Variants in PPFIBP2 observed in about 807,000 individuals in gnomAD.
PPFIBP2 encodes PPFIB scaffold protein 2.
A neutral mutation model predicts 118.3 loss-of-function variants in PPFIBP2; 118 were observed. The ratio of observed to expected loss-of-function variants is 1.00; its 90% CI spans 0.86 to 1.16. The LOEUF (loss-of-function observed/expected upper bound fraction) is 1.16, where lower values mean the gene tolerates loss of function less well. Among genes scored for constraint, PPFIBP2 ranks in the 50% most tolerant of loss-of-function variants. PPFIBP2 has a pLI of 0.00. For missense variants in PPFIBP2, 1,195 were observed against 1,073.1 expected (o/e 1.11, Z -1.59); for synonymous variants, 414 against 397.4 (o/e 1.04, Z -0.50).
At chr11:7,571,797 AG>A (rs1213812876) in intron 3 of PPFIBP2, 2 of 152,222 alleles carry the variant, frequency 1.3e-5, no homozygotes, top group Non-Finnish European at 2.9e-5. Context: ...GGCCGGGCTC[AG>A]GTGGCATCAG....
chr11:7,599,964 G>T (rs912194264), intron 5 of PPFIBP2, among the ~76,000 whole-genome samples: 12 of 151,814 alleles, frequency 7.9e-5, no homozygotes, highest in Non-Finnish European at 1.8e-4. Context: ...TTTTTAGCCC[G>T]TTTATTCTAA....
chr11:7,663,881 G>A, the PPFIBP2 span, among the ~76,000 whole-genome samples: 17 of 152,302 alleles, frequency 1.1e-4, no homozygotes, highest in East Asian at 2.3e-3. Flanking sequence ...TCGGAAAAGC[G>A]CAGTATTCTG....
intron 17 of PPFIBP2, among the ~76,000 whole-genome samples, chr11:7,647,707 G>A (rs1458929654): frequency 6.6e-6 from 1 of 152,136 alleles, no homozygotes; most frequent in Non-Finnish European, 1.5e-5. Context: ...GAGCTTTCTT[G>A]GGTTTTCTAA....
downstream of PPFIBP2, among the ~76,000 whole-genome samples, chr11:7,657,611 G>T (rs1041812303): frequency 1.3e-5 from 2 of 152,160 alleles, no homozygotes; most frequent in African/African-American, 4.8e-5. Context: ...TCCCAAACAT[G>T]TCTGTTTCCT....
chr11:7,590,005 A>C (rs912697766), intron 3 of PPFIBP2, among the ~76,000 whole-genome samples: 1 of 152,242 alleles, frequency 6.6e-6, no homozygotes, highest in Non-Finnish European at 1.5e-5. Flanking sequence ...TTGATGATGT[A>C]GTCATTTTAT....
At position 7,639,714 on chromosome 11, in the gene PPFIBP2, T is replaced by A. The variant is rs767186965; in HGVS notation, c.1237-18T>A. On this transcript the variant is annotated intron_variant, in intron 14 of 23. Coordinates refer to ENST00000299492, the MANE Select transcript of PPFIBP2 (RefSeq NM_003621.5). ...ACAGTTAAGTCGGTATCTCTCTCTT[T>A]CTCTCACCTTCCAATAGGACAGCCC... 2 of 1,613,850 alleles carry A rather than the reference T, an allele frequency of 1.2e-6. No homozygotes were observed. Among genetic ancestry groups the A allele is most frequent in the Non-Finnish European group, 1.7e-6 (2 of 1,179,854 alleles).
chr11:7,655,373 ATC>A (rs1031492247), downstream of PPFIBP2: 15 of 1,222,452 alleles, frequency 1.2e-5, no homozygotes, highest in Middle Eastern at 2.2e-4. Context: ...CTTGCATGCC[ATC>A]TCTCTGAATC....
chr11:7,567,525 C>A (rs7117188), intron 3 of PPFIBP2, among the ~76,000 whole-genome samples: 83,155 of 151,910 alleles, frequency 0.55, 24,640 homozygotes, highest in African/African-American at 0.79. Context: ...CTAACCTATG[C>A]ATGGCGAAGC....
chr11:7,574,774 C>G (rs1429447556), intron 3 of PPFIBP2, among the ~76,000 whole-genome samples: 1 of 152,160 alleles, frequency 6.6e-6, no homozygotes, highest in Non-Finnish European at 1.5e-5. Flanking sequence ...CCATTTCACT[C>G]AGCCCTTCCC....
At position 7,582,713 on chromosome 11, in the gene PPFIBP2, T is replaced by C. The variant is rs866661123; in HGVS notation, c.280-10419T>C. Among the ~76,000 whole-genome samples the C allele has an allele frequency of 1.7e-4, 25 of 145,336 alleles. 1 individual carries two copies. In the Middle Eastern group the frequency reaches 0.011, roughly 62 times the overall value. ...TCAACTGATGTCACTACCAATGTCA[T>C]AGGAAAAAAAAAAAAAAACCAGCCA... is the stretch of plus-strand genomic sequence containing the variant. On this transcript the variant is annotated intron_variant, in intron 3 of 23. Coordinates refer to ENST00000299492, the MANE Select transcript of PPFIBP2 (RefSeq NM_003621.5).
intron 1 of PPFIBP2, among the ~76,000 whole-genome samples, chr11:7,531,374 G>T (rs1850667585): frequency 6.6e-6 from 1 of 152,174 alleles, no homozygotes; most frequent in South Asian, 2.1e-4. Flanking sequence ...TTGACATCTG[G>T]TCAGGCTGCA....
downstream of PPFIBP2, among the ~76,000 whole-genome samples, chr11:7,660,727 A>G (rs1260096507): frequency 6.6e-6 from 1 of 150,962 alleles, no homozygotes; most frequent in East Asian, 1.9e-4. Context: ...GAATGGTACC[A>G]GTTCCTCCTT....
At chr11:7,620,334 G>A (rs1849196413) in intron 6 of PPFIBP2, among the ~76,000 whole-genome samples, 1 of 152,010 alleles carries the variant, frequency 6.6e-6, no homozygotes, top group Non-Finnish European at 1.5e-5. Context: ...CTCCCTTTCT[G>A]TCTCCTATCT....
At chr11:7,603,831 A>G (rs1846977281) in intron 5 of PPFIBP2, among the ~76,000 whole-genome samples, 1 of 152,140 alleles carries the variant, frequency 6.6e-6, no homozygotes, top group South Asian at 2.1e-4. Flanking sequence ...TTCATGGTCC[A>G]TCACAGTAAG....
intron 1 of PPFIBP2, chr11:7,539,434 C>A (rs1320444291): frequency 6.6e-6 from 1 of 152,456 alleles, no homozygotes; most frequent in African/African-American, 2.4e-5. Flanking sequence ...GGGGTCGTGA[C>A]CTCTGGATGT....
chr11:7,539,520 G>C (rs1851555917), intron 1 of PPFIBP2: 1 of 152,552 alleles, frequency 6.6e-6, no homozygotes, highest in African/African-American at 2.4e-5. Flanking sequence ...GCTACGCTGA[G>C]AGCCTTGCCA....
At chr11:7,644,737 G>A (rs888754970) in intron 17 of PPFIBP2, among the ~76,000 whole-genome samples, 6 of 151,920 alleles carry the variant, frequency 3.9e-5, no homozygotes, top group Admixed American at 1.3e-4. Context: ...GCCTAAAAAA[G>A]GTATTTTAGG....
intron 5 of PPFIBP2, among the ~76,000 whole-genome samples, chr11:7,603,981 C>A (rs1170385013): frequency 6.6e-6 from 1 of 152,136 alleles, no homozygotes; most frequent in African/African-American, 2.4e-5. Context: ...TCAACTCCCT[C>A]CCCATATACT....
Position 7,649,682 on chromosome 11 carries a change from G to A in PPFIBP2, c.2121+28G>A, listed in dbSNP as rs773977896. ...GAGACCACAAATAGTATCTCTCCAG[G>A]TAGCCCTGAGCCAGGACCCCTGAAA... On this transcript the variant is annotated intron_variant, in intron 21 of 23. Coordinates refer to ENST00000299492, the MANE Select transcript of PPFIBP2 (RefSeq NM_003621.5). The A allele has an allele frequency of 2.5e-6, 4 of 1,613,414 alleles. No individual in the cohort carries two copies. In the African/African-American group the frequency reaches 4.0e-5, roughly 16 times the overall value.
Sources: gnomAD v4.1 joint callset for allele counts (sites outside exome capture counted in the v4.1 genomes callset) on GRCh38, gnomAD v4.1.1 for gene constraint, MANE v1.5 for transcripts, NCBI Gene and HGNC (gene_info 2026-07-23, HGNC 2026-07-21) for gene names.